TXNRD3: variants seen among roughly 807,000 people sequenced by gnomAD.
TXNRD3 encodes the protein thioredoxin reductase 3.
In TXNRD3, 68 loss-of-function variants were observed where a neutral mutation model predicts 78.2. That is an observed-to-expected ratio of 0.87 (90% confidence interval 0.72 to 1.06). The LOEUF (loss-of-function observed/expected upper bound fraction) is 1.06, where lower values mean the gene tolerates loss of function less well. TXNRD3 is among the 50% of genes least tolerant of loss of function. The pLI, the probability that TXNRD3 is intolerant of heterozygous loss-of-function variation, is 0.00. For synonymous variants in TXNRD3, 296 were observed against 300.1 expected (o/e 0.99, Z 0.14); for missense variants, 751 against 809.5 (o/e 0.93, Z 0.88).
intron 10 of TXNRD3, among the ~76,000 whole-genome samples, chr3:126,628,794 T>C (rs919304069): frequency 6.6e-6 from 1 of 152,036 alleles, no homozygotes; most frequent in East Asian, 1.9e-4. Flanking sequence ...CTCAATAAGG[T>C]TGATTTTTGG....
At chr3:126,635,556 A>C (rs1170236594) in intron 6 of TXNRD3, among the ~76,000 whole-genome samples, 3 of 152,194 alleles carry the variant, frequency 2.0e-5, no homozygotes, top group Non-Finnish European at 2.9e-5. Context: ...AGCTATTTTC[A>C]CATATGTATT....
At chr3:126,625,254 A>G (rs1938552379) in intron 10 of TXNRD3, 1 of 149,256 alleles carries the variant, frequency 6.7e-6, no homozygotes, top group Admixed American at 6.7e-5. Flanking sequence ...TGCTGCACCC[A>G]TTAACTCGTC....
At chr3:126,622,314 T>C (rs1322028011) in intron 11 of TXNRD3, 150 bp downstream of exon 11, 3 of 558,408 alleles carry the variant, frequency 5.4e-6, no homozygotes, top group East Asian at 3.0e-5. Flanking sequence ...GAGTTACTGA[T>C]TGATGAAGAA....
At position 126,620,967 on chromosome 3, in the gene TXNRD3, C is replaced by T. The variant is rs114542415; in HGVS notation, c.1524+775G>A. 8.8e-3 allele frequency among the ~76,000 whole-genome samples: 1,334 copies of T among 152,266 alleles called. 19 individuals are homozygous for T. Among genetic ancestry groups the T allele is most frequent in the African/African-American group, 0.027 (1,133 of 41,540 alleles). On this transcript the variant is annotated intron_variant, in intron 12 of 15. Transcript: ENST00000524230. ...TCCGTCTCCCGCCAACTCCACCACA[C>T]GGCCACAGAGCTCCTAACAGAGCTG...
At chr3:126,647,007 A>C (rs1933254111) in intron 2 of TXNRD3, among the ~76,000 whole-genome samples, 2 of 152,190 alleles carry the variant, frequency 1.3e-5, no homozygotes, top group Non-Finnish European at 2.9e-5. Flanking sequence ...AGCAGCTTAT[A>C]TATCTTCCTC....
intron 7 of TXNRD3, among the ~76,000 whole-genome samples, chr3:126,633,248 A>C (rs1938766647): frequency 6.6e-6 from 1 of 152,242 alleles, no homozygotes; most frequent in Admixed American, 6.5e-5. Context: ...GCTGAAAATA[A>C]GCATTGAAGG....
At chr3:126,634,292 A>G (rs1576290835) in intron 6 of TXNRD3, among the ~76,000 whole-genome samples, 1 of 152,168 alleles carries the variant, frequency 6.6e-6, no homozygotes, top group Non-Finnish European at 1.5e-5. Context: ...TGGAGGAGAA[A>G]ATGGGGAAAC....
intron 12 of TXNRD3, among the ~76,000 whole-genome samples, chr3:126,617,791 C>T (rs1163813080): frequency 6.6e-6 from 1 of 152,176 alleles, no homozygotes; most frequent in African/African-American, 2.4e-5. Flanking sequence ...GAAACTGTCC[C>T]TCTTTGCAGA....
chr3:126,648,824 C>T (rs150933826), intron 1 of TXNRD3, among the ~76,000 whole-genome samples: 2 of 152,152 alleles, frequency 1.3e-5, no homozygotes, highest in East Asian at 3.9e-4. Context: ...GCACAAGCAA[C>T]AAAAGAAACA....
At chr3:126,629,608 C>T in intron 9 of TXNRD3, 137 bp from the exon 10 acceptor site, 1 of 582,702 alleles carries the variant, frequency 1.7e-6, no homozygotes, top group Non-Finnish European at 2.9e-6. Context: ...TATAAGGTTT[C>T]TGGATAAGGC....
chr3:126,637,704 C>T (rs12485336), intron 6 of TXNRD3, among the ~76,000 whole-genome samples: 89,170 of 151,790 alleles, frequency 0.59, 26,774 homozygotes, highest in Non-Finnish European at 0.65. Context: ...TCAGCTTTAT[C>T]CTAGTAAGTA....
At chr3:126,648,181 T>C (rs895736922) in intron 1 of TXNRD3, among the ~76,000 whole-genome samples, 1 of 152,156 alleles carries the variant, frequency 6.6e-6, no homozygotes, top group African/African-American at 2.4e-5. Context: ...AGCAAAAGAC[T>C]TGGATGCTGA....
chr3:126,610,514 C>T (rs528294420), intron 14 of TXNRD3, among the ~76,000 whole-genome samples: 37 of 152,316 alleles, frequency 2.4e-4, no homozygotes, highest in African/African-American at 8.9e-4. Context: ...GTGAAAGCAT[C>T]AGGAATTAGC....
In TXNRD3 at chr3:126,644,366, C is replaced by CT. The variant is rs1409728899; in HGVS notation, c.449dup (p.Glu151GlyfsTer6). On this transcript the variant is annotated frameshift_variant, in exon 4 of 16. Coordinates refer to ENST00000524230, the MANE Select transcript of TXNRD3 (RefSeq NM_052883.3). LOFTEE classifies it high-confidence loss of function. ...GATCATAATCATATGCCAAATCTTC[C>CT]TGAAGGAGCTTCTGTAACAAACCAC... 26 of 1,536,126 alleles carry CT rather than the reference C, an allele frequency of 1.7e-5. No individual in the cohort carries two copies. Among genetic ancestry groups the CT allele is most frequent in the Admixed American group, 3.9e-5 (2 of 50,978 alleles).
At chr3:126,644,166 C>A (rs1933168712) in intron 4 of TXNRD3, 113 bp from the exon 5 acceptor site, 1 of 1,365,434 alleles carries the variant, frequency 7.3e-7, no homozygotes, top group Non-Finnish European at 1.0e-6. Flanking sequence ...CAATCTTTTA[C>A]CTGAATTATA....
At chr3:126,608,388 T>A in intron 15 of TXNRD3, 111 bp downstream of exon 15, 3 of 1,178,900 alleles carry the variant, frequency 2.5e-6, no homozygotes, top group South Asian at 2.1e-5. Flanking sequence ...TAAAATAAAT[T>A]TAAAAATATA....
chr3:126,648,860 T>C (rs1933302808), intron 1 of TXNRD3, among the ~76,000 whole-genome samples: 1 of 152,090 alleles, frequency 6.6e-6, no homozygotes, highest in South Asian at 2.1e-4. Context: ...CTCACAAAAA[T>C]TTGAAACTCT....
intron 13 of TXNRD3, among the ~76,000 whole-genome samples, chr3:126,614,078 A>AT (rs1033937122): frequency 1.2e-4 from 18 of 152,298 alleles, no homozygotes; most frequent in African/African-American, 2.9e-4. Context: ...TTGTGTCTTC[A>AT]TTTTTTTATA....
intron 13 of TXNRD3, among the ~76,000 whole-genome samples, chr3:126,613,023 T>C (rs1938233306): frequency 1.3e-5 from 2 of 152,208 alleles, no homozygotes; most frequent in Non-Finnish European, 1.5e-5. Context: ...AGCCATGTGA[T>C]AACATTTCAT....
Sources: allele counts gnomAD v4.1 joint callset (sites outside exome capture counted in the v4.1 genomes callset), GRCh38; gene constraint gnomAD v4.1.1; transcripts MANE v1.5; gene names NCBI Gene and HGNC (gene_info 2026-07-23, HGNC 2026-07-21).